The following DNAAF9 variants were observed in gnomAD, a reference collection of about 807,000 sequenced individuals.
DNAAF9 encodes the protein dynein axonemal assembly factor 9, also known as shulin.
In DNAAF9, 90 loss-of-function variants were observed where a neutral mutation model predicts 167.0. The observed-to-expected ratio is 0.54, with a 90% CI of 0.45 to 0.64. DNAAF9 has a LOEUF of 0.64. Among genes scored for constraint, DNAAF9 ranks in the 30% least tolerant of loss-of-function variants. The pLI is 0.00. For synonymous variants in DNAAF9, 491 were observed against 508.8 expected (o/e 0.96, Z 0.47); for missense variants, 1,315 against 1,442.2 (o/e 0.91, Z 1.43).
intron 3 of DNAAF9, 144 bp from the exon 4 acceptor site, chr20:3,376,446 C>T: frequency 1.4e-6 from 1 of 714,298 alleles, no homozygotes; most frequent in Non-Finnish European, 2.2e-6. Context: ...TAATTAAGCA[C>T]TGTGCCTTGT....
chr20:3,346,627 G>A (rs1469628811), intron 8 of DNAAF9, among the ~76,000 whole-genome samples: 1 of 152,132 alleles, frequency 6.6e-6, no homozygotes, highest in Non-Finnish European at 1.5e-5. Flanking sequence ...ATGAGAAAAT[G>A]CACATGTATT....
At chr20:3,275,262 G>A (rs963095693) in intron 29 of DNAAF9, among the ~76,000 whole-genome samples, 4 of 152,192 alleles carry the variant, frequency 2.6e-5, no homozygotes, top group African/African-American at 7.2e-5. Context: ...GAGCTCTGGC[G>A]GGTCTGGCAG....
intron 17 of DNAAF9, 30 bp from the exon 18 acceptor site, chr20:3,316,823 AT>A (rs1568600222): frequency 6.4e-7 from 1 of 1,564,868 alleles, no homozygotes; most frequent in East Asian, 2.3e-5. Context: ...ATGCCAGTTA[AT>A]TCCCTACCAG....
chr20:3,405,724 G>A (rs892587889), intron 1 of DNAAF9, among the ~76,000 whole-genome samples: 2 of 152,172 alleles, frequency 1.3e-5, no homozygotes, highest in African/African-American at 4.8e-5. Context: ...AAGAAAGGCA[G>A]CATTTAAGAG....
chr20:3,393,365 C>T (rs1054185306), intron 1 of DNAAF9, among the ~76,000 whole-genome samples: 2 of 151,450 alleles, frequency 1.3e-5, no homozygotes, highest in Non-Finnish European at 2.9e-5. Flanking sequence ...ATTAGTTAGG[C>T]GTGGTGGTTA....
intron 17 of DNAAF9, among the ~76,000 whole-genome samples, chr20:3,317,457 T>A (rs992405875): frequency 6.6e-6 from 1 of 151,842 alleles, no homozygotes; most frequent in Non-Finnish European, 1.5e-5. Context: ...CAAGGTAGTA[T>A]AGGTATACAT....
At position 3,396,469 on chromosome 20, in the gene DNAAF9, C is replaced by T. The variant is rs147319492; in HGVS notation, c.83+11006G>A. Among the ~76,000 whole-genome samples, 828 of 152,182 alleles carry T rather than the reference C, an allele frequency of 5.4e-3. 2 individuals carry two copies. The highest frequency in any genetic ancestry group is 6.8e-3 in the Middle Eastern group (2 of 294). ...AGGACAAAAAATCCTCGGAACAAAACCAGAACTTAATTTTAAGGGAGGGAG... is the reference window on the plus strand; with the variant it reads ...AGGACAAAAAATCCTCGGAACAAAATCAGAACTTAATTTTAAGGGAGGGAG... On this transcript the variant is annotated intron_variant, in intron 1 of 36. Coordinates refer to ENST00000252032, the MANE Select transcript of DNAAF9 (RefSeq NM_001009984.3).
chr20:3,366,630 T>C (rs1047562460), intron 6 of DNAAF9, among the ~76,000 whole-genome samples: 1 of 152,132 alleles, frequency 6.6e-6, no homozygotes, highest in Non-Finnish European at 1.5e-5. Context: ...TCTCTATTTA[T>C]GAAAGTCCTA....
At chr20:3,267,826 C>A (rs1489748780) in intron 30 of DNAAF9, among the ~76,000 whole-genome samples, 1 of 151,998 alleles carries the variant, frequency 6.6e-6, no homozygotes. Flanking sequence ...CAGAGCAAGA[C>A]TCTGTCTAAA....
intron 16 of DNAAF9, 84 bp downstream of exon 16, chr20:3,322,132 AC>A: frequency 1.1e-6 from 1 of 930,748 alleles, no homozygotes; most frequent in Non-Finnish European, 1.7e-6. Context: ...GCTGCCCAAG[AC>A]CCCCACCCAC....
chr20:3,385,747 A>G (rs574028189), intron 1 of DNAAF9, among the ~76,000 whole-genome samples: 2 of 152,366 alleles, frequency 1.3e-5, no homozygotes, highest in Non-Finnish European at 2.9e-5. Flanking sequence ...ATACAATACC[A>G]TTTATAATCT....
intron 27 of DNAAF9, 28 bp from the exon 28 acceptor site, chr20:3,281,794 G>GCA (rs1443827054): frequency 6.3e-7 from 1 of 1,596,544 alleles, no homozygotes; most frequent in Admixed American, 1.8e-5. Flanking sequence ...GGAATGATTA[G>GCA]TTCACTGACT....
At chr20:3,335,168 C>T (rs1263125827) in intron 10 of DNAAF9, among the ~76,000 whole-genome samples, 4 of 152,112 alleles carry the variant, frequency 2.6e-5, no homozygotes, top group Admixed American at 2.0e-4. Context: ...TGGTACACTG[C>T]CTTGATCATT....
At chr20:3,298,907 C>CTTTTT (rs397865293) in intron 21 of DNAAF9, among the ~76,000 whole-genome samples, 37 of 119,550 alleles carry the variant, frequency 3.1e-4, no homozygotes, top group African/African-American at 8.8e-4. Context: ...TGTTTTAGCT[C>CTTTTT]TTTTTTTTTT....
At chr20:3,364,502 G>A (rs530202893) in intron 6 of DNAAF9, among the ~76,000 whole-genome samples, 12 of 152,096 alleles carry the variant, frequency 7.9e-5, no homozygotes, top group Non-Finnish European at 1.6e-4. Context: ...AAATCCTCCT[G>A]AGTGATCTAC....
intron 10 of DNAAF9, among the ~76,000 whole-genome samples, chr20:3,336,708 C>T (rs778019806): frequency 3.3e-5 from 5 of 151,968 alleles, no homozygotes; most frequent in Non-Finnish European, 7.4e-5. Flanking sequence ...CCTGCCACCA[C>T]GCCTGGCTAA....
chr20:3,336,509 T>C (rs918518875), intron 10 of DNAAF9, among the ~76,000 whole-genome samples: 9 of 152,060 alleles, frequency 5.9e-5, no homozygotes, highest in Non-Finnish European at 1.2e-4. Flanking sequence ...ATTTCTGTTT[T>C]GCCACTGAGC....
chr20:3,337,783 CTCCT>C (rs1450246366), intron 10 of DNAAF9, among the ~76,000 whole-genome samples: 1 of 151,900 alleles, frequency 6.6e-6, no homozygotes, highest in African/African-American at 2.4e-5. Flanking sequence ...CATGTCCTCC[CTCCT>C]GTGTCTTATT....
chr20:3,318,284 CT>C lies in DNAAF9; in HGVS notation c.1468+4del. 1 of 1,197,560 alleles carries C rather than the reference CT, an allele frequency of 8.4e-7. No homozygotes were observed. Among genetic ancestry groups the C allele is most frequent in the Non-Finnish European group, 1.2e-6 (1 of 816,246 alleles). The allele number at this position is 1,197,560 out of a possible 1,614,324, so 74.2% of individuals were successfully genotyped here. ...GTTTGCTTTCTAAAGATCACATATA[CT>C]TACCCTTTTCTTTAACTAAGATCTG... On this transcript the variant is annotated splice_donor_region_variant and intron_variant, in intron 17 of 36. Transcript: ENST00000252032.
Sources: gnomAD v4.1 joint callset for allele counts (sites outside exome capture counted in the v4.1 genomes callset) on GRCh38, gnomAD v4.1.1 for gene constraint, MANE v1.5 for transcripts, NCBI Gene and HGNC (gene_info 2026-07-23, HGNC 2026-07-21) for gene names.